Variants in MMP12 observed in about 807,000 individuals in gnomAD.
MMP12 encodes the protein macrophage metalloelastase.
Under a neutral mutation model 45.2 loss-of-function variants are expected in MMP12, and 51 were observed. The observed-to-expected ratio is 1.13, with a 90% CI of 0.90 to 1.42. MMP12 has a LOEUF of 1.42. Ranked by LOEUF, MMP12 falls within the 40% of genes most tolerant of loss-of-function variation. The probability of loss-of-function intolerance (pLI) is 0.00; values close to 1 mark genes in which losing one functional copy is unlikely to be tolerated. For missense variants in MMP12, 530 were observed against 570.8 expected, an observed-to-expected ratio of 0.93 and a Z score of 0.73; for synonymous variants, 210 against 193.3, an observed-to-expected ratio of 1.09 and a Z score of -0.72.
At chr11:102,864,879 A>G (rs1269651678) in intron 8 of MMP12, among the ~76,000 whole-genome samples, 3 of 152,126 alleles carry the variant, frequency 2.0e-5, no homozygotes, top group African/African-American at 7.2e-5. Flanking sequence ...CTTGCTTAGC[A>G]CTCTCTCAAT....
rs917373309 is a variant in MMP12, at chr11:102,865,149, C to T, written c.1205+627G>A. ...GTTTTAAATGCTTAAGAATAAATAACAGTTGTAAATGTAAGCTTAACATAT... is the reference window on the plus strand; with the variant it reads ...GTTTTAAATGCTTAAGAATAAATAATAGTTGTAAATGTAAGCTTAACATAT... On this transcript the variant is annotated intron_variant, in intron 8 of 9. Transcript: ENST00000571244. This position sits in a 1 kb window ranked among gnomAD's most constrained non-coding sequence, Gnocchi z 4.1. Among the ~76,000 whole-genome samples the T allele has an allele frequency of 6.6e-6, 1 of 152,192 alleles. No individual in the cohort carries two copies. The highest frequency in any genetic ancestry group is 1.5e-5 in the Non-Finnish European group (1 of 68,022).
chr11:102,874,799 C>T (rs782632149), intron 1 of MMP12, 37 bp downstream of exon 1: 16 of 1,309,926 alleles, frequency 1.2e-5, no homozygotes, highest in Non-Finnish European at 1.6e-5. Context: ...TAAAGACAAA[C>T]ATCAAGCTCG....
intron 5 of MMP12, 84 bp from the exon 6 acceptor site, chr11:102,867,477 T>C: frequency 7.9e-7 from 1 of 1,259,918 alleles, no homozygotes; most frequent in Non-Finnish European, 1.1e-6. Context: ...AAATACTCAA[T>C]TTTCTTAATG....
At position 102,871,651 on chromosome 11, in the gene MMP12, C is replaced by T. The variant is rs1859498450; in HGVS notation, c.568G>A (p.Gly190Ser). Residue 190 changes from glycine (G) to serine (S), a missense_variant, in exon 4 of 10, where the codon GGC (glycine) becomes AGC (serine). Gly to Ser is a moderately conservative substitution (Grantham distance 56). Coordinates refer to ENST00000571244, the MANE Select transcript of MMP12 (RefSeq NM_002426.6). The stretch of plus-strand genomic sequence containing the variant: ...TCGAAATGTGCATCCCCTCCAATGC[C>T]AGATCCAGGTCCAAAAGCATGGGCT... Reference protein sequence around the residue: ...ILAHAFGPGSGIGGDAHFDED... With the variant: ...ILAHAFGPGSSIGGDAHFDED... 1.3e-6 allele frequency: 2 copies of T among 1,586,232 alleles called. No individual in the cohort carries two copies. Among genetic ancestry groups the T allele is most frequent in the Non-Finnish European group, 1.7e-6 (2 of 1,165,006 alleles).
chr11:102,870,003 C>T (rs1555009152), intron 4 of MMP12, among the ~76,000 whole-genome samples: 1 of 152,272 alleles, frequency 6.6e-6, no homozygotes, highest in Admixed American at 6.5e-5. Flanking sequence ...TAAATAACTT[C>T]ACTTTTTGAA....
In MMP12 at chr11:102,863,108, C is replaced by G. The variant is rs28381701; in HGVS notation, c.1405G>C (p.Gly469Arg). Residue 469 changes from glycine (G) to arginine (R), a missense_variant, in exon 10 of 10, where the codon GGT (glycine) becomes CGT (arginine). By Grantham distance (125) the Gly-to-Arg change is moderately radical. Transcript: ENST00000571244. The stretch of plus-strand genomic sequence containing the variant: ...CATTAATTACACCATTTCTAACAAC[C>G]AAACCAGCTATTGCTTTTCAGTGTT... ...TKTLKSNSWF[G>R]C 16 of 1,605,624 alleles carry G rather than the reference C, an allele frequency of 1.0e-5. No individual in the cohort carries two copies. The Admixed American group carries it at 2.4e-4, about 24-fold the overall frequency.
At chr11:102,868,628 T>C (rs995068300) in intron 4 of MMP12, among the ~76,000 whole-genome samples, 1 of 152,134 alleles carries the variant, frequency 6.6e-6, no homozygotes, top group African/African-American at 2.4e-5. Context: ...CACTGAGAAA[T>C]GTAACACATT....
chr11:102,873,195 A>G (rs1197798114), intron 1 of MMP12, 83 bp from the exon 2 acceptor site: 1 of 1,211,170 alleles, frequency 8.3e-7, no homozygotes, highest in Non-Finnish European at 1.2e-6. Flanking sequence ...ACTCAATTGC[A>G]CACTGATGCT....
chr11:102,869,285 C>T (rs933894953), intron 4 of MMP12, among the ~76,000 whole-genome samples: 5 of 152,082 alleles, frequency 3.3e-5, no homozygotes, highest in South Asian at 2.1e-4. Context: ...ACACCTCTCT[C>T]GGGGAGTGTC....
At chr11:102,864,607 A>T (rs1555008257) in intron 8 of MMP12, among the ~76,000 whole-genome samples, 1 of 152,210 alleles carries the variant, frequency 6.6e-6, no homozygotes, top group Non-Finnish European at 1.5e-5. Context: ...CACTGAGACA[A>T]AAATACCCAT....
In MMP12 at chr11:102,865,441, A is replaced by T. The variant is rs28381688; in HGVS notation, c.1205+335T>A. Among the ~76,000 whole-genome samples the T allele has an allele frequency of 0.012, 1,786 of 152,334 alleles. 35 individuals carry two copies. The highest frequency in any genetic ancestry group is 0.04 in the African/African-American group (1,676 of 41,578). ...ATTACAGAAAGGAATCTGGAAATCC[A>T]TAACCCTCGAAACTGACTGTAGATT... is the stretch of plus-strand genomic sequence containing the variant. On this transcript the variant is annotated intron_variant, in intron 8 of 9. Coordinates refer to ENST00000571244, the MANE Select transcript of MMP12 (RefSeq NM_002426.6). This position sits in a 1 kb window ranked among gnomAD's most constrained non-coding sequence, Gnocchi z 4.1.
intron 4 of MMP12, 53 bp from the exon 5 acceptor site, chr11:102,868,122 A>G (rs1483557170): frequency 1.4e-6 from 2 of 1,410,740 alleles, no homozygotes; most frequent in Admixed American, 3.9e-5. Flanking sequence ...CATCTTGGAC[A>G]AGAACACAAT....
Position 102,873,125 on chromosome 11 carries a change from A to G in MMP12, c.103-13T>C. 6.2e-7 allele frequency: 1 copy of G among 1,608,478 alleles called. No individual in the cohort carries two copies. The highest frequency in any genetic ancestry group is 8.5e-7 in the Non-Finnish European group (1 of 1,177,306). On this transcript the variant is annotated splice_polypyrimidine_tract_variant and intron_variant, in intron 1 of 9. Coordinates refer to ENST00000571244, the MANE Select transcript of MMP12 (RefSeq NM_002426.6). ...TTTCTAAGTATCTCTGGAAAAAAAA[A>G]TACATTCAGCAATGTGTAAGTACAC... is the stretch of plus-strand genomic sequence containing the variant.
At position 102,863,149 on chromosome 11, in the gene MMP12, A is replaced by T. The variant is rs1237600020; in HGVS notation, c.1364T>A (p.Leu455His). 1 of 1,612,042 alleles carries T rather than the reference A, an allele frequency of 6.2e-7. No individual in the cohort carries two copies. The highest frequency in any genetic ancestry group is 8.5e-7 in the Non-Finnish European group (1 of 1,179,002). The change falls in exon 10 of 10, where the codon CTC becomes CAC. Residue 455 changes from leucine to histidine, a missense_variant. Leu to His is a moderately conservative substitution (Grantham distance 99). Coordinates refer to ENST00000571244, the MANE Select transcript of MMP12 (RefSeq NM_002426.6). ...GSNQFEYDFL[L>H]QRITKTLKSN... ...TTTCAGTGTTTTGGTGATACGTTGGAGTAGGAAGTCATATTCAAATTGGTT... is the reference window on the plus strand; with the variant it reads ...TTTCAGTGTTTTGGTGATACGTTGGTGTAGGAAGTCATATTCAAATTGGTT...
intron 2 of MMP12, among the ~76,000 whole-genome samples, chr11:102,872,535 G>A (rs897379693): frequency 6.6e-6 from 1 of 152,064 alleles, no homozygotes; most frequent in South Asian, 2.1e-4. Context: ...TAAAGACGAG[G>A]TTTCACCATG....
rs1031919721 is a variant in MMP12 at position 102,864,192 on chromosome 11, G to A, written c.1266C>T (p.Phe422=). 2.5e-6 allele frequency: 4 copies of A among 1,613,670 alleles called. No individual in the cohort carries two copies. The highest frequency in any genetic ancestry group is 3.4e-6 in the Non-Finnish European group (4 of 1,179,836). ...PGYPKLITKN[F]QGIGPKIDAV... The stretch of plus-strand genomic sequence containing the variant: ...CATCAATTTTAGGCCCGATTCCTTG[G>A]AAGTTCTTGGTAATCAGTTTGGGAT... Residue 422 remains phenylalanine, a synonymous_variant, in exon 9 of 10, where the codon TTC becomes TTT. Transcript: ENST00000571244.
chr11:102,864,059 A>G (rs1333271716), intron 9 of MMP12, 87 bp downstream of exon 9: 2 of 1,043,550 alleles, frequency 1.9e-6, no homozygotes, highest in Non-Finnish European at 2.9e-6. Flanking sequence ...GTCCCTTTCC[A>G]ATTTGGAGCC....
chr11:102,872,679 CA>C (rs1359331967), intron 2 of MMP12, among the ~76,000 whole-genome samples, 185 bp downstream of exon 2: 1 of 152,142 alleles, frequency 6.6e-6, no homozygotes, highest in Non-Finnish European at 1.5e-5. Context: ...ACTGGCAAGC[CA>C]AACAATTCTC....
In MMP12 at chr11:102,865,781, A is replaced by G. The variant is rs1555008416; in HGVS notation, c.1200T>C (p.Tyr400=). The G allele has an allele frequency of 6.2e-7, 1 of 1,609,408 alleles. No homozygotes were observed. Among genetic ancestry groups the G allele is most frequent in the Admixed American group, 1.7e-5 (1 of 59,558 alleles). ...YRTYFFVDNQ[Y]WRYDERRQMM... The stretch of plus-strand genomic sequence containing the variant: ...GACCAACCATTAAAACTCACCTCCA[A>G]TACTGGTTATCTACAAAGAAGTAGG... Residue 400 remains tyrosine, a synonymous_variant, in exon 8 of 10, where the codon TAT becomes TAC. Coordinates refer to ENST00000571244, the MANE Select transcript of MMP12 (RefSeq NM_002426.6). The surrounding 1 kb of genome is among the most constrained non-coding windows in gnomAD (Gnocchi z 4.1).
Sources: allele counts gnomAD v4.1 joint callset (sites outside exome capture counted in the v4.1 genomes callset), GRCh38; gene constraint gnomAD v4.1.1; non-coding constraint Gnocchi (gnomAD v3.1); transcripts MANE v1.5; gene names NCBI Gene and HGNC (gene_info 2026-07-23, HGNC 2026-07-21).